UBTD2: variants seen among roughly 807,000 people sequenced by gnomAD.
UBTD2 encodes ubiquitin domain containing 2.
In UBTD2, 9 loss-of-function variants were observed where a neutral mutation model predicts 19.8. The ratio of observed to expected loss-of-function variants is 0.46; its 90% CI spans 0.27 to 0.79. The LOEUF is 0.79. Among genes scored for constraint, UBTD2 ranks in the 30% least tolerant of loss-of-function variants. UBTD2 has a pLI of 0.14. For missense variants in UBTD2, 250 were observed against 300.4 expected, an observed-to-expected ratio of 0.83 and a Z score of 1.24; for synonymous variants, 98 against 103.9, an observed-to-expected ratio of 0.94 and a Z score of 0.35.
At chr5:172,251,319 A>AAAAAAAAAAG (rs1755009818) in intron 1 of UBTD2, among the ~76,000 whole-genome samples, 1 of 151,688 alleles carries the variant, frequency 6.6e-6, no homozygotes, top group African/African-American at 2.4e-5. Context: ...TATCTCAAAA[A>AAAAAAAAAAG]AAAAAAAGAA....
At chr5:172,219,936 C>T (rs186535912) in intron 2 of UBTD2, among the ~76,000 whole-genome samples, 47 of 152,278 alleles carry the variant, frequency 3.1e-4, no homozygotes, top group African/African-American at 1.1e-3. Flanking sequence ...TGGAACATTC[C>T]AAGACCATAT....
chr5:172,245,367 T>C (rs1754857746), intron 1 of UBTD2, among the ~76,000 whole-genome samples: 1 of 152,210 alleles, frequency 6.6e-6, no homozygotes, highest in African/African-American at 2.4e-5. Context: ...CCTAAAATTC[T>C]GTGTTTGAAC....
At chr5:172,258,788 T>A (rs890869303) in intron 1 of UBTD2, among the ~76,000 whole-genome samples, 1 of 152,216 alleles carries the variant, frequency 6.6e-6, no homozygotes, top group Non-Finnish European at 1.5e-5. Context: ...ATGCTACTGA[T>A]TTTGTACAGT....
chr5:172,213,760 G>A (rs553906236), intron 2 of UBTD2, among the ~76,000 whole-genome samples: 15 of 152,164 alleles, frequency 9.9e-5, no homozygotes, highest in African/African-American at 2.9e-4. Flanking sequence ...GGACTTCCTC[G>A]GGGGAACTTG....
chr5:172,231,134 G>A (rs765661214), intron 2 of UBTD2, among the ~76,000 whole-genome samples: 5 of 152,086 alleles, frequency 3.3e-5, no homozygotes, highest in East Asian at 1.9e-4. Context: ...AAAGAATTTC[G>A]GCAATACCAC....
chr5:172,228,679 C>T (rs1252899143), intron 2 of UBTD2, among the ~76,000 whole-genome samples: 3 of 152,004 alleles, frequency 2.0e-5, no homozygotes, highest in Non-Finnish European at 4.4e-5. Flanking sequence ...TAAGATCGCA[C>T]CACTGCACTC....
At position 172,211,735 on chromosome 5, in the gene UBTD2, G is replaced by A. The variant is rs1771451439; in HGVS notation, c.*95C>T. ...TAAATCCATTCATAGGGAATTTAGA[G>A]CAGTGAAATAGATTTCACGCCGCAG... On this transcript the variant is annotated 3_prime_UTR_variant, in exon 3 of 3. Coordinates refer to ENST00000393792, the MANE Select transcript of UBTD2 (RefSeq NM_152277.3). The A allele has an allele frequency of 3.0e-6, 4 of 1,324,432 alleles. No homozygotes were observed. The Admixed American group carries it at 1.1e-4, about 37-fold the overall frequency. 82.0% of individuals were successfully genotyped at this position (1,324,432 alleles called of 1,614,324 possible).
At position 172,255,357 on chromosome 5, in the gene UBTD2, CATGTAAT is replaced by C. The variant is rs568607290; in HGVS notation, c.71-21006_71-21000del. On this transcript the variant is annotated intron_variant, in intron 1 of 2. Coordinates refer to ENST00000393792, the MANE Select transcript of UBTD2 (RefSeq NM_152277.3). ...CATACTTGTTGGGCTTCATGGATTC[CATGTAAT>C]TAGATGAGTATGACACCGAGACAGG... 390 of 466,968 alleles carry C rather than the reference CATGTAAT, an allele frequency of 8.4e-4. 1 individual carries two copies. Among genetic ancestry groups the C allele is most frequent in the Admixed American group, 2.1e-3 (81 of 38,616 alleles). 28.9% of individuals were successfully genotyped at this position (466,968 alleles called of 1,614,324 possible).
Position 172,283,722 on chromosome 5 carries a change from C to T in UBTD2, c.-57G>A, listed in dbSNP as rs1755774469. ...GGACGCTCGTCCGGGCCCGCCGCCG[C>T]CGCCGCTGCAGCCTCCTCCGGCGCC... On this transcript the variant is annotated 5_prime_UTR_variant, in exon 1 of 3. Coordinates refer to ENST00000393792, the MANE Select transcript of UBTD2 (RefSeq NM_152277.3). The surrounding 1 kb of genome is among the most constrained non-coding windows in gnomAD (Gnocchi z 4.3). The T allele has an allele frequency of 7.7e-6, 9 of 1,167,786 alleles. No homozygotes were observed. Among genetic ancestry groups the T allele is most frequent in the Non-Finnish European group, 9.6e-6 (9 of 939,872 alleles). 72.3% of individuals were successfully genotyped at this position (1,167,786 alleles called of 1,614,324 possible).
chr5:172,266,263 G>C (rs1755374862), intron 1 of UBTD2, among the ~76,000 whole-genome samples: 1 of 152,182 alleles, frequency 6.6e-6, no homozygotes, highest in Middle Eastern at 3.2e-3. Context: ...CCAAGCAAAG[G>C]AAACAGCACG....
intron 1 of UBTD2, among the ~76,000 whole-genome samples, chr5:172,275,017 C>G (rs1427094483): frequency 9.2e-5 from 14 of 152,128 alleles, no homozygotes; most frequent in Admixed American, 8.5e-4. Flanking sequence ...GCCTGTGCAA[C>G]AGAGCGAGAC....
chr5:172,252,944 A>T (rs1189048801), intron 1 of UBTD2, among the ~76,000 whole-genome samples: 1 of 152,222 alleles, frequency 6.6e-6, no homozygotes, highest in Non-Finnish European at 1.5e-5. Context: ...GATATTTTGA[A>T]GCAAACAGAA....
rs543090564 is a variant in UBTD2 at position 172,232,949 on chromosome 5, T to A, written c.307+1173A>T. ...CTGAGGTCAGGAGCTGAGACCAGCC[T>A]AGCCAACATGGTGAAACCCTGTCTC... is the stretch of plus-strand genomic sequence containing the variant. On this transcript the variant is annotated intron_variant, in intron 2 of 2. Coordinates refer to ENST00000393792, the MANE Select transcript of UBTD2 (RefSeq NM_152277.3). Among the ~76,000 whole-genome samples, 3 of 152,046 alleles carry A rather than the reference T, an allele frequency of 2.0e-5. No homozygotes were observed. The South Asian group carries it at 6.2e-4, about 32-fold the overall frequency.
chr5:172,260,894 T>C (rs1244512319), intron 1 of UBTD2, among the ~76,000 whole-genome samples: 2 of 152,222 alleles, frequency 1.3e-5, no homozygotes, highest in Non-Finnish European at 2.9e-5. Flanking sequence ...CTCTGTGACA[T>C]GATGCAGCCA....
chr5:172,239,174 T>C (rs1422111567), intron 1 of UBTD2, among the ~76,000 whole-genome samples: 1 of 152,200 alleles, frequency 6.6e-6, no homozygotes, highest in African/African-American at 2.4e-5. Flanking sequence ...TTTGAGAATT[T>C]AAAGGTAGAA....
intron 1 of UBTD2, among the ~76,000 whole-genome samples, chr5:172,253,215 A>T (rs538297400): frequency 2.7e-4 from 41 of 152,168 alleles, no homozygotes; most frequent in Non-Finnish European, 3.2e-4. Flanking sequence ...TTTAAATTTT[A>T]TCTATGACTA....
intron 1 of UBTD2, chr5:172,254,955 G>A (rs538694431): frequency 2.0e-5 from 11 of 540,668 alleles, no homozygotes; most frequent in Non-Finnish European, 2.9e-5. Context: ...GGCTCCTGGA[G>A]GTGACTCATG....
Position 172,211,941 on chromosome 5 carries a change from G to A in UBTD2, c.594C>T (p.Gly198=). The A allele has an allele frequency of 6.2e-7, 1 of 1,614,144 alleles. No individual in the cohort carries two copies. The highest frequency in any genetic ancestry group is 8.5e-7 in the Non-Finnish European group (1 of 1,180,020). The part of the protein sequence containing the change: ...EPGSQRWFFS[G]RPLTDKMKFE... Reference sequence around the variant, plus strand: ...ACTTCATTTTGTCAGTGAGAGGTCTGCCAGAAAAAAACCACCGCTGACTAC... The same window carrying A: ...ACTTCATTTTGTCAGTGAGAGGTCTACCAGAAAAAAACCACCGCTGACTAC... Residue 198 remains glycine (G), a synonymous_variant, in exon 3 of 3, where the codon GGC becomes GGT. Transcript: ENST00000393792.
Position 172,283,263 on chromosome 5 carries a change from G to C in UBTD2, c.70+333C>G, listed in dbSNP as rs1374720846. On this transcript the variant is annotated intron_variant, in intron 1 of 2. Coordinates refer to ENST00000393792, the MANE Select transcript of UBTD2 (RefSeq NM_152277.3). This position sits in a 1 kb window ranked among gnomAD's most constrained non-coding sequence, Gnocchi z 4.3. ...TTCGCTTTTCTGCAACCCCGGCGCC[G>C]CCATCCTGATCCTCAATAATTAAAC... 2.6e-5 allele frequency among the ~76,000 whole-genome samples: 4 copies of C among 151,722 alleles called. No homozygotes were observed. Among genetic ancestry groups the C allele is most frequent in the African/African-American group, 9.7e-5 (4 of 41,296 alleles).
Sources: gnomAD v4.1 joint callset for allele counts (sites outside exome capture counted in the v4.1 genomes callset) on GRCh38, gnomAD v4.1.1 for gene constraint, Gnocchi (gnomAD v3.1) non-coding constraint, MANE v1.5 for transcripts, NCBI Gene and HGNC (gene_info 2026-07-23, HGNC 2026-07-21) for gene names.